Variants in ZNF385B observed in about 807,000 individuals in gnomAD.
ZNF385B encodes the protein zinc finger protein 385B.
ZNF385B carries 23 observed loss-of-function variants against 39.2 expected under a neutral mutation model. The ratio of observed to expected loss-of-function variants is 0.59; its 90% CI spans 0.42 to 0.83. The LOEUF is 0.83. Among genes scored for constraint, ZNF385B ranks in the 40% least tolerant of loss-of-function variants. The pLI is 0.00. For missense variants in ZNF385B, 552 were observed against 598.9 expected, an observed-to-expected ratio of 0.92 and a Z score of 0.82; for synonymous variants, 205 against 222.6, an observed-to-expected ratio of 0.92 and a Z score of 0.70.
At chr2:179,520,986 A>G (rs1271175336) in intron 4 of ZNF385B, among the ~76,000 whole-genome samples, 4 of 152,206 alleles carry the variant, frequency 2.6e-5, no homozygotes, top group Admixed American at 2.0e-4. Flanking sequence ...CACATATCCT[A>G]GCTGTTTCCA....
At chr2:179,623,769 T>A (rs1558994772) in intron 3 of ZNF385B, among the ~76,000 whole-genome samples, 1 of 152,180 alleles carries the variant, frequency 6.6e-6, no homozygotes, top group Admixed American at 6.6e-5. Context: ...AGGCTTCTAG[T>A]GTTTCCATGA....
chr2:179,839,831 G>C (rs1445620417), intron 1 of ZNF385B, among the ~76,000 whole-genome samples: 1 of 152,156 alleles, frequency 6.6e-6, no homozygotes. Flanking sequence ...GGTGGGAGAG[G>C]CCACCTTGAG....
intron 3 of ZNF385B, chr2:179,584,085 A>G (rs1686830521): frequency 3.9e-6 from 2 of 512,722 alleles, no homozygotes; most frequent in Non-Finnish European, 7.4e-6. Context: ...AAACAGAAAA[A>G]TAAGTAGGTA....
intron 3 of ZNF385B, among the ~76,000 whole-genome samples, chr2:179,614,575 T>A (rs1689572355): frequency 6.6e-6 from 1 of 152,202 alleles, no homozygotes; most frequent in African/African-American, 2.4e-5. Flanking sequence ...TACTCCAGTA[T>A]CAAGGAGGTA....
intron 1 of ZNF385B, among the ~76,000 whole-genome samples, chr2:179,774,547 GAC>G (rs747776342): frequency 6.6e-6 from 1 of 152,048 alleles, no homozygotes; most frequent in Non-Finnish European, 1.5e-5. Context: ...TCTTAGTAGA[GAC>G]AGGGTTTCAA....
At chr2:179,802,263 T>A (rs1275862661) in intron 1 of ZNF385B, among the ~76,000 whole-genome samples, 1 of 152,122 alleles carries the variant, frequency 6.6e-6, no homozygotes. Context: ...TGCATCCTGT[T>A]GGGCATGTTC....
At chr2:179,451,794 ATCT>A (rs1406194432) in intron 6 of ZNF385B, among the ~76,000 whole-genome samples, 3 of 152,102 alleles carry the variant, frequency 2.0e-5, no homozygotes, top group African/African-American at 7.2e-5. Context: ...TCAAAGCCTA[ATCT>A]TATTATTTCT....
rs1421187300 is a variant in ZNF385B at position 179,769,722 on chromosome 2, C to T, written c.79G>A (p.Glu27Lys). 3.7e-6 allele frequency: 6 copies of T among 1,614,130 alleles called. No homozygotes were observed. The highest frequency in any genetic ancestry group is 5.1e-6 in the Non-Finnish European group (6 of 1,180,022). The change falls in exon 3 of 10, where the codon GAA becomes AAA. Residue 27 changes from glutamate (E) to lysine (K), a missense_variant. Glu to Lys is a moderately conservative substitution (Grantham distance 56, BLOSUM62 1). Transcript: ENST00000410066. ...NMANFLRGFE[E>K]KGIKNDRPED... ...GGCCTGTCGTTCTTTATCCCCTTTT[C>T]TTCAAAGCCCCGTAGAAAATTTGCC...
At chr2:179,644,604 T>C (rs1692552703) in intron 3 of ZNF385B, among the ~76,000 whole-genome samples, 1 of 152,184 alleles carries the variant, frequency 6.6e-6, no homozygotes, top group Admixed American at 6.5e-5. Context: ...ATTGTGAAAG[T>C]TCAAATCAAG....
At chr2:179,703,857 A>T (rs1021008612) in intron 3 of ZNF385B, among the ~76,000 whole-genome samples, 1 of 152,202 alleles carries the variant, frequency 6.6e-6, no homozygotes. Context: ...ATGCCTCATG[A>T]TGGAGGTATT....
At chr2:179,617,554 AG>A (rs1689854180) in intron 3 of ZNF385B, among the ~76,000 whole-genome samples, 1 of 152,186 alleles carries the variant, frequency 6.6e-6, no homozygotes, top group African/African-American at 2.4e-5. Context: ...AGTGTGCATG[AG>A]AATCACCTGG....
chr2:179,700,187 C>T (rs1699081051), intron 3 of ZNF385B, among the ~76,000 whole-genome samples: 1 of 152,104 alleles, frequency 6.6e-6, no homozygotes, highest in African/African-American at 2.4e-5. Context: ...ATATATCTAT[C>T]TGTCTTAAAT....
intron 3 of ZNF385B, among the ~76,000 whole-genome samples, chr2:179,549,506 C>T (rs1393460179): frequency 2.0e-5 from 3 of 149,314 alleles, no homozygotes; most frequent in Non-Finnish European, 4.4e-5. Context: ...TAATTATATA[C>T]CTAACATCCC....
In ZNF385B at chr2:179,470,122, T is replaced by C. The variant is rs117331030; in HGVS notation, c.715+13150A>G. 7.0e-4 allele frequency among the ~76,000 whole-genome samples: 107 copies of C among 152,268 alleles called. No homozygotes were observed. In the East Asian group the frequency reaches 0.019, roughly 28 times the overall value. Reference sequence around the variant, plus strand: ...ACCGCAGGCCATGCTTTTCTCTCACTTTCTCTCCTTTCCCTGTTCTGTCTT... The same window carrying C: ...ACCGCAGGCCATGCTTTTCTCTCACCTTCTCTCCTTTCCCTGTTCTGTCTT... On this transcript the variant is annotated intron_variant, in intron 6 of 9. Coordinates refer to ENST00000410066, the MANE Select transcript of ZNF385B (RefSeq NM_152520.6).
intron 3 of ZNF385B, among the ~76,000 whole-genome samples, chr2:179,583,364 C>T (rs539328089): frequency 6.6e-6 from 1 of 152,256 alleles, no homozygotes; most frequent in African/African-American, 2.4e-5. Flanking sequence ...GCTTCTGTGT[C>T]AAATGCAATT....
intron 3 of ZNF385B, among the ~76,000 whole-genome samples, chr2:179,701,143 T>C (rs992933925): frequency 1.3e-5 from 2 of 152,246 alleles, no homozygotes; most frequent in African/African-American, 2.4e-5. Flanking sequence ...TTTGTTAACA[T>C]TGATAGAAAC....
intron 5 of ZNF385B, among the ~76,000 whole-genome samples, chr2:179,493,756 C>T (rs370386287): frequency 0.058 from 4,591 of 79,814 alleles, 147 homozygotes; most frequent in East Asian, 0.075. Context: ...TGTGTATATA[C>T]ATATATGTAT....
At chr2:179,820,846 G>A (rs924422006) in intron 1 of ZNF385B, among the ~76,000 whole-genome samples, 1 of 152,028 alleles carries the variant, frequency 6.6e-6, no homozygotes, top group African/African-American at 2.4e-5. Context: ...TTCTAAGTCA[G>A]AAAAAGGAGT....
chr2:179,805,727 T>G (rs1199145404), intron 1 of ZNF385B, among the ~76,000 whole-genome samples: 1 of 152,208 alleles, frequency 6.6e-6, no homozygotes, highest in African/African-American at 2.4e-5. Flanking sequence ...GAATGGTGCC[T>G]GGCATTCAGT....
Sources: allele counts gnomAD v4.1 joint callset (sites outside exome capture counted in the v4.1 genomes callset), GRCh38; gene constraint gnomAD v4.1.1; transcripts MANE v1.5; gene names NCBI Gene and HGNC (gene_info 2026-07-23, HGNC 2026-07-21).